CELF4: variants seen among roughly 807,000 people sequenced by gnomAD.
CELF4 encodes the protein CUG-BP- and ETR-3-like factor 4.
In CELF4, 18 loss-of-function variants were observed where a neutral mutation model predicts 59.9. The ratio of observed to expected loss-of-function variants is 0.30; its 90% CI spans 0.21 to 0.45. The LOEUF (loss-of-function observed/expected upper bound fraction) is 0.45. Among genes scored for constraint, CELF4 ranks in the 20% least tolerant of loss-of-function variants. CELF4 has a pLI of 1.00. For missense variants in CELF4, 456 were observed against 689.0 expected (o/e 0.66, Z 3.79); for synonymous variants, 261 against 267.1 (o/e 0.98, Z 0.22).
intron 2 of CELF4, among the ~76,000 whole-genome samples, chr18:37,377,311 CA>C (rs1434302586): frequency 5.3e-5 from 8 of 152,070 alleles, no homozygotes; most frequent in Non-Finnish European, 1.2e-4. Context: ...CTACATGTCC[CA>C]AAAAACTGCC....
At chr18:37,400,994 G>C (rs539342682) in intron 2 of CELF4, among the ~76,000 whole-genome samples, 1 of 152,348 alleles carries the variant, frequency 6.6e-6, no homozygotes, top group South Asian at 2.1e-4. Context: ...GCAGTGTTGG[G>C]CCTGGCAGGG....
intron 2 of CELF4, among the ~76,000 whole-genome samples, chr18:37,425,938 G>A (rs565454851): frequency 1.3e-5 from 2 of 152,360 alleles, no homozygotes; most frequent in South Asian, 4.1e-4. Flanking sequence ...CAGCCAGGGA[G>A]GGAGAGGCTT....
intron 3 of CELF4, among the ~76,000 whole-genome samples, chr18:37,283,577 G>A (rs1054601159): frequency 1.3e-5 from 2 of 152,164 alleles, no homozygotes; most frequent in African/African-American, 2.4e-5. Context: ...GAATCCATTT[G>A]CTCAATGAGC....
chr18:37,554,141 T>C (rs1205380629), intron 1 of CELF4, among the ~76,000 whole-genome samples: 1 of 152,154 alleles, frequency 6.6e-6, no homozygotes, highest in Non-Finnish European at 1.5e-5. Flanking sequence ...ATATACCCTC[T>C]GAGGCTGTGC....
At chr18:37,532,522 G>C (rs2099970382) in intron 1 of CELF4, among the ~76,000 whole-genome samples, 1 of 152,118 alleles carries the variant, frequency 6.6e-6, no homozygotes, top group Non-Finnish European at 1.5e-5. Flanking sequence ...AATGATGATA[G>C]CCTCTTTGAG....
At chr18:37,265,859 G>A (rs1282163126) in intron 9 of CELF4, among the ~76,000 whole-genome samples, 1 of 152,190 alleles carries the variant, frequency 6.6e-6, no homozygotes, top group Non-Finnish European at 1.5e-5. Flanking sequence ...CCCTGATCAG[G>A]TCAGGCAGTA....
At chr18:37,330,156 A>G (rs1210146705) in intron 2 of CELF4, among the ~76,000 whole-genome samples, 2 of 152,230 alleles carry the variant, frequency 1.3e-5, no homozygotes, top group African/African-American at 4.8e-5. Flanking sequence ...TTTACTCTCC[A>G]GAGACCCCGC....
At chr18:37,282,468 T>A (rs1244633132) in intron 3 of CELF4, among the ~76,000 whole-genome samples, 1 of 152,146 alleles carries the variant, frequency 6.6e-6, no homozygotes, top group Non-Finnish European at 1.5e-5. Context: ...GACAAGCAAC[T>A]CATCTGAATC....
chr18:37,403,564 G>T (rs2099353402), intron 2 of CELF4, among the ~76,000 whole-genome samples: 1 of 152,134 alleles, frequency 6.6e-6, no homozygotes. Context: ...GCGAGGGGGT[G>T]GTGGGTGTGT....
chr18:37,342,318 A>G (rs1326968993), intron 2 of CELF4, among the ~76,000 whole-genome samples: 1 of 151,744 alleles, frequency 6.6e-6, no homozygotes, highest in African/African-American at 2.4e-5. Flanking sequence ...TGTTCCTGCC[A>G]GCAGTCCCTA....
At chr18:37,442,199 A>T (rs944840272) in intron 2 of CELF4, among the ~76,000 whole-genome samples, 1 of 152,168 alleles carries the variant, frequency 6.6e-6, no homozygotes. Flanking sequence ...CAGCAGCTCA[A>T]TGGAAGGAAC....
At chr18:37,433,644 C>A (rs2154600874) in intron 2 of CELF4, among the ~76,000 whole-genome samples, 1 of 152,286 alleles carries the variant, frequency 6.6e-6, no homozygotes, top group African/African-American at 2.4e-5. Flanking sequence ...TTGTCACTGG[C>A]CAAGCATGGA....
intron 3 of CELF4, among the ~76,000 whole-genome samples, chr18:37,285,049 C>T (rs1017464582): frequency 1.3e-5 from 2 of 152,176 alleles, no homozygotes; most frequent in African/African-American, 4.8e-5. Flanking sequence ...GCCCAATAAC[C>T]ACATTGCTTT....
At chr18:37,332,814 G>A (rs2097590291) in intron 2 of CELF4, among the ~76,000 whole-genome samples, 1 of 152,218 alleles carries the variant, frequency 6.6e-6, no homozygotes, top group Admixed American at 6.5e-5. Context: ...CTGCTGCTGG[G>A]CTGACGTGCC....
At chr18:37,309,681 G>A (rs531748666) in intron 3 of CELF4, among the ~76,000 whole-genome samples, 4 of 152,160 alleles carry the variant, frequency 2.6e-5, no homozygotes, top group East Asian at 3.9e-4. Flanking sequence ...GATACTATGC[G>A]CGTGTGCACG....
chr18:37,485,575 A>G lies in CELF4; in HGVS notation c.319T>C (p.Ser107Pro). The G allele has an allele frequency of 6.9e-7, 1 of 1,459,310 alleles. No individual in the cohort carries two copies. The highest frequency in any genetic ancestry group is 9.1e-7 in the Non-Finnish European group (1 of 1,093,376). 90.4% of individuals were successfully genotyped at this position (1,459,310 alleles called of 1,614,324 possible). A position where few individuals can be genotyped will look rare whatever the true frequency, so the allele number is the denominator to read the frequency against. The change falls in exon 2 of 13, where the codon TCA (serine) becomes CCA (proline). Residue 107 changes from serine to proline, a missense_variant. By Grantham distance (74) the Ser-to-Pro change is moderately conservative. This residue lies in a region of CELF4 where 63 missense variants were observed against 110.6 expected (regional missense o/e 0.57). Transcript: ENST00000420428. ...AGCGCGCTCTGGGCCTTCAGCGCTG[A>G]CTCACGCTCGCAGTAGGTGAGGAAG... ...CAFLTYCERESALKAQSALHE... is the reference protein window; with the variant it reads ...CAFLTYCEREPALKAQSALHE...
intron 1 of CELF4, among the ~76,000 whole-genome samples, chr18:37,492,491 G>C (rs1320239093): frequency 6.6e-6 from 1 of 152,098 alleles, no homozygotes; most frequent in Non-Finnish European, 1.5e-5. Flanking sequence ...GAGGGTTACT[G>C]ATGTTCTGAG....
At chr18:37,493,484 G>T (rs952078129) in intron 1 of CELF4, among the ~76,000 whole-genome samples, 2 of 152,224 alleles carry the variant, frequency 1.3e-5, no homozygotes, top group African/African-American at 4.8e-5. Flanking sequence ...AGATTGCTGA[G>T]CTCCATTCTG....
At chr18:37,431,042 T>G (rs2099648863) in intron 2 of CELF4, among the ~76,000 whole-genome samples, 1 of 152,166 alleles carries the variant, frequency 6.6e-6, no homozygotes, top group South Asian at 2.1e-4. Context: ...GGGGCAAGTA[T>G]AGGGAGGAAA....
Sources: gnomAD v4.1 joint callset for allele counts (sites outside exome capture counted in the v4.1 genomes callset) on GRCh38, gnomAD v4.1.1 for gene constraint, gnomAD v4.1.1 regional missense constraint, MANE v1.5 for transcripts, NCBI Gene and HGNC (gene_info 2026-07-23, HGNC 2026-07-21) for gene names.